The following BICRAL variants were observed in gnomAD, a reference collection of about 807,000 sequenced individuals.
The protein encoded by BICRAL is BICRA like chromatin remodeling complex associated protein.
In BICRAL, 8 loss-of-function variants were observed where a neutral mutation model predicts 91.8. That is an observed-to-expected ratio of 0.09 (90% confidence interval 0.05 to 0.16). The LOEUF (loss-of-function observed/expected upper bound fraction) is 0.16, where lower values mean the gene tolerates loss of function less well. BICRAL is among the 10% of genes least tolerant of loss of function. The pLI, the probability that BICRAL is intolerant of heterozygous loss-of-function variation, is 1.00. For synonymous variants in BICRAL, 445 were observed against 491.1 expected, an observed-to-expected ratio of 0.91 and a Z score of 1.24; for missense variants, 1,038 against 1,310.9, an observed-to-expected ratio of 0.79 and a Z score of 3.21.
chr6:42,775,824 G>A (rs910611912), intron 1 of BICRAL, among the ~76,000 whole-genome samples: 1 of 152,160 alleles, frequency 6.6e-6, no homozygotes, highest in African/African-American at 2.4e-5. Context: ...CAAGGATGAT[G>A]TGAAGTGTTT....
intron 1 of BICRAL, among the ~76,000 whole-genome samples, chr6:42,800,779 G>A (rs1185378226): frequency 6.6e-6 from 1 of 152,020 alleles, no homozygotes; most frequent in Non-Finnish European, 1.5e-5. Flanking sequence ...ATCTTCCTTG[G>A]TAACATTGAC....
At chr6:42,784,705 C>T (rs1256009894) in intron 1 of BICRAL, among the ~76,000 whole-genome samples, 3 of 152,172 alleles carry the variant, frequency 2.0e-5, no homozygotes, top group Non-Finnish European at 4.4e-5. Context: ...GTATTCTTCC[C>T]CCTACACCTA....
intron 2 of BICRAL, among the ~76,000 whole-genome samples, chr6:42,817,013 CAA>C (rs368409842): frequency 1.9e-4 from 22 of 115,236 alleles, no homozygotes; most frequent in African/African-American, 2.3e-4. Flanking sequence ...GACTCCATCT[CAA>C]AAAAAAAAAA....
At chr6:42,832,578 C>CGTGTGTGTGTGTGTGT (rs59693040) in intron 6 of BICRAL, among the ~76,000 whole-genome samples, 3 of 142,744 alleles carry the variant, frequency 2.1e-5, no homozygotes, top group South Asian at 2.2e-4. Flanking sequence ...ATCAAAGGGG[C>CGTGTGTGTGTGTGTGT]GTGTGTGTGT....
intron 2 of BICRAL, among the ~76,000 whole-genome samples, chr6:42,811,612 T>TC (rs1253520186): frequency 7.1e-6 from 1 of 141,320 alleles, no homozygotes; most frequent in Non-Finnish European, 1.5e-5. Context: ...AGAGCGAGAC[T>TC]CCATCTCAAA....
chr6:42,842,865 T>G (rs560152514), intron 6 of BICRAL, among the ~76,000 whole-genome samples: 2 of 151,642 alleles, frequency 1.3e-5, no homozygotes, highest in Non-Finnish European at 2.9e-5. Context: ...TATTTTTTTT[T>G]TTTTTTTAGA....
chr6:42,864,611 T>G (rs769785467), intron 12 of BICRAL, 48 bp from the exon 13 acceptor site: 1 of 1,506,170 alleles, frequency 6.6e-7, no homozygotes, highest in Non-Finnish European at 9.1e-7. Flanking sequence ...CTGTATAGTC[T>G]GTCCTCTCCC....
intron 10 of BICRAL, among the ~76,000 whole-genome samples, chr6:42,858,086 T>C (rs147335432): frequency 0.012 from 1,737 of 150,712 alleles, 23 homozygotes; most frequent in African/African-American, 0.039. Context: ...GCTGGGATTA[T>C]AGGCATGAGC....
intron 2 of BICRAL, among the ~76,000 whole-genome samples, chr6:42,819,547 A>G (rs1282644918): frequency 6.6e-6 from 1 of 152,120 alleles, no homozygotes; most frequent in East Asian, 1.9e-4. Flanking sequence ...CGGCCTCCCA[A>G]AGTGCTGGGA....
upstream of BICRAL, among the ~76,000 whole-genome samples, chr6:42,779,488 A>T (rs1762855854): frequency 6.6e-6 from 1 of 152,168 alleles, no homozygotes; most frequent in South Asian, 2.1e-4. Flanking sequence ...AAAATATGCT[A>T]ATTTATGCAA....
chr6:42,795,673 A>G (rs1366924751), intron 1 of BICRAL, among the ~76,000 whole-genome samples: 5 of 152,232 alleles, frequency 3.3e-5, no homozygotes, highest in Non-Finnish European at 7.3e-5. Flanking sequence ...TGGATTTTGT[A>G]TAATGTATAT....
chr6:42,868,021 T>G lies in BICRAL; in HGVS notation c.*2575T>G, dbSNP rs1002534901. On this transcript the variant is annotated 3_prime_UTR_variant, in exon 13 of 13. Coordinates refer to ENST00000314073, the MANE Select transcript of BICRAL (RefSeq NM_001393499.1). Reference sequence around the variant, plus strand: ...ACATTCAGTTGTTCAGGTTCATTCGTCAAAGTTAAGTTTTAGAACTATTTG... The same window carrying G: ...ACATTCAGTTGTTCAGGTTCATTCGGCAAAGTTAAGTTTTAGAACTATTTG... The G allele has an allele frequency of 8.5e-5, 13 of 152,562 alleles. No individual in the cohort carries two copies. The highest frequency in any genetic ancestry group is 3.1e-4 in the African/African-American group (13 of 41,542). 9.5% of individuals were successfully genotyped at this position (152,562 alleles called of 1,614,324 possible).
chr6:42,818,993 A>G (rs910799556), intron 2 of BICRAL, among the ~76,000 whole-genome samples: 2 of 152,154 alleles, frequency 1.3e-5, no homozygotes, highest in African/African-American at 4.8e-5. Flanking sequence ...CTCCACGACA[A>G]ATCCCACTGT....
intron 7 of BICRAL, among the ~76,000 whole-genome samples, chr6:42,853,049 A>G (rs1765242011): frequency 6.7e-6 from 1 of 150,254 alleles, no homozygotes; most frequent in African/African-American, 2.4e-5. Flanking sequence ...TGGGCGACAG[A>G]ACAAGACCTT....
At chr6:42,790,428 T>C (rs1329137695) in intron 1 of BICRAL, among the ~76,000 whole-genome samples, 2 of 147,966 alleles carry the variant, frequency 1.4e-5, no homozygotes, top group Non-Finnish European at 3.0e-5. Flanking sequence ...TTCCCACCTT[T>C]CCCTCCCAAA....
chr6:42,750,156 C>T (rs577834963), intron 1 of BICRAL, among the ~76,000 whole-genome samples: 60 of 151,756 alleles, frequency 4.0e-4, no homozygotes, highest in Non-Finnish European at 4.9e-4. Flanking sequence ...AGCCACCGTG[C>T]CTGGGCCCTT....
intron 1 of BICRAL, among the ~76,000 whole-genome samples, chr6:42,771,986 G>A (rs1762744636): frequency 1.3e-5 from 2 of 152,156 alleles, no homozygotes; most frequent in African/African-American, 2.4e-5. Context: ...GGGAGGGGAG[G>A]AGGAGGATGA....
chr6:42,809,361 CTTCAT>C (rs964372159), intron 1 of BICRAL, among the ~76,000 whole-genome samples: 7 of 150,934 alleles, frequency 4.6e-5, no homozygotes, highest in African/African-American at 7.3e-5. Flanking sequence ...CCTTCAAATT[CTTCAT>C]TTCATGAGAT....
At chr6:42,855,657 AT>A (rs1393998556) in intron 8 of BICRAL, among the ~76,000 whole-genome samples, 198 bp from the exon 9 acceptor site, 1 of 151,996 alleles carries the variant, frequency 6.6e-6, no homozygotes, top group East Asian at 1.9e-4. Flanking sequence ...CCTTTCTGTA[AT>A]CTTAACACAG....
Sources: gnomAD v4.1 joint callset for allele counts (sites outside exome capture counted in the v4.1 genomes callset) on GRCh38, gnomAD v4.1.1 for gene constraint, MANE v1.5 for transcripts, NCBI Gene and HGNC (gene_info 2026-07-23, HGNC 2026-07-21) for gene names.